Variants in DLG2 observed in about 807,000 individuals in gnomAD.
The protein encoded by DLG2 is discs large MAGUK scaffold protein 2.
A neutral mutation model predicts 132.5 loss-of-function variants in DLG2; 45 were observed. The ratio of observed to expected loss-of-function variants is 0.34; its 90% CI spans 0.27 to 0.44. DLG2 has a LOEUF of 0.44. DLG2 is among the 20% of genes least tolerant of loss of function. DLG2 has a pLI of 1.00. For missense variants in DLG2, 1,045 were observed against 1,196.9 expected (o/e 0.87, Z 1.87); for synonymous variants, 424 against 419.6 (o/e 1.01, Z -0.13).
intron 22 of DLG2, among the ~76,000 whole-genome samples, chr11:83,476,984 C>T (rs2092673031): frequency 6.6e-6 from 1 of 152,078 alleles, no homozygotes; most frequent in Non-Finnish European, 1.5e-5. Flanking sequence ...TTTTGACTGA[C>T]TCCAGTGGAG....
At chr11:83,997,329 A>G (rs774426909) in intron 11 of DLG2, among the ~76,000 whole-genome samples, 27 of 152,120 alleles carry the variant, frequency 1.8e-4, no homozygotes, top group Non-Finnish European at 4.0e-4. Flanking sequence ...CCTGTCAAGA[A>G]AATCATTCTA....
intron 6 of DLG2, among the ~76,000 whole-genome samples, chr11:84,811,058 G>A (rs894872097): frequency 3.3e-5 from 5 of 152,070 alleles, no homozygotes; most frequent in South Asian, 4.1e-4. Context: ...TTACCATTGG[G>A]GGAAACAGGG....
intron 10 of DLG2, among the ~76,000 whole-genome samples, chr11:84,096,563 G>T (rs2097168380): frequency 6.6e-6 from 1 of 152,018 alleles, no homozygotes; most frequent in Non-Finnish European, 1.5e-5. Context: ...TTGGTTAAAG[G>T]GTGGAGGTTC....
chr11:85,606,050 C>T (rs540620585), intron 2 of DLG2, among the ~76,000 whole-genome samples: 10 of 151,780 alleles, frequency 6.6e-5, no homozygotes, highest in Admixed American at 2.0e-4. Flanking sequence ...TGATGGCATA[C>T]GTACAATGTT....
chr11:83,896,779 T>C (rs2071834979), intron 15 of DLG2, among the ~76,000 whole-genome samples: 1 of 152,202 alleles, frequency 6.6e-6, no homozygotes, highest in Non-Finnish European at 1.5e-5. Context: ...GATGTAACAC[T>C]GGGTAAAGTT....
chr11:84,758,783 T>C (rs2067218282), intron 6 of DLG2, among the ~76,000 whole-genome samples: 1 of 152,182 alleles, frequency 6.6e-6, no homozygotes, highest in Non-Finnish European at 1.5e-5. Flanking sequence ...TTATTCTTTA[T>C]ATAGAAGGTA....
At chr11:84,707,197 T>C (rs1442644280) in intron 6 of DLG2, among the ~76,000 whole-genome samples, 1 of 151,804 alleles carries the variant, frequency 6.6e-6, no homozygotes, top group African/African-American at 2.4e-5. Context: ...ACTAGTAGAA[T>C]GCTGATTAAT....
chr11:84,506,232 C>T (rs1217676899), intron 7 of DLG2, among the ~76,000 whole-genome samples: 2 of 151,342 alleles, frequency 1.3e-5, no homozygotes, highest in African/African-American at 2.4e-5. Flanking sequence ...CCCGCCACTG[C>T]GCCCGGCTAA....
intron 12 of DLG2, among the ~76,000 whole-genome samples, chr11:83,979,210 C>T (rs2092560807): frequency 6.6e-6 from 1 of 152,078 alleles, no homozygotes; most frequent in African/African-American, 2.4e-5. Flanking sequence ...CTCTCTAAAG[C>T]TGAGGGAAGT....
At chr11:84,116,366 T>A (rs1410312278) in intron 9 of DLG2, among the ~76,000 whole-genome samples, 1 of 152,214 alleles carries the variant, frequency 6.6e-6, no homozygotes, top group East Asian at 1.9e-4. Flanking sequence ...TAGTCCATTC[T>A]CAAGTGGCTA....
chr11:83,818,604 T>A (rs886065514), intron 17 of DLG2, among the ~76,000 whole-genome samples: 4 of 152,116 alleles, frequency 2.6e-5, no homozygotes, highest in African/African-American at 9.7e-5. Flanking sequence ...TAGACAGGGA[T>A]GAGAGGATAC....
intron 16 of DLG2, among the ~76,000 whole-genome samples, chr11:83,848,345 G>C (rs1220607288): frequency 1.3e-5 from 2 of 152,008 alleles, no homozygotes; most frequent in African/African-American, 2.4e-5. Context: ...TTAATAAATA[G>C]GTGGTCTTAT....
rs182042330 is a variant in DLG2 at position 83,505,317 on chromosome 11, C to T, written c.2194-21089G>A. On this transcript the variant is annotated intron_variant, in intron 21 of 27. Coordinates refer to ENST00000376104, the MANE Select transcript of DLG2 (RefSeq NM_001142699.3). Reference sequence around the variant, plus strand: ...TGGGGCACTCAGCAGTGGCTGTAGCCAGGTCATCCCTGGTGAGTGGAAGCC... The same window carrying T: ...TGGGGCACTCAGCAGTGGCTGTAGCTAGGTCATCCCTGGTGAGTGGAAGCC... Among the ~76,000 whole-genome samples the T allele has an allele frequency of 6.7e-4, 102 of 152,302 alleles. 2 individuals carry two copies. Among genetic ancestry groups the T allele is most frequent in the African/African-American group, 2.4e-3 (101 of 41,570 alleles).
intron 4 of DLG2, among the ~76,000 whole-genome samples, chr11:85,173,708 C>T (rs1049624940): frequency 1.1e-4 from 17 of 152,056 alleles, no homozygotes; most frequent in African/African-American, 3.1e-4. Flanking sequence ...GACCCATTGG[C>T]GTGCTGTCTT....
chr11:83,564,852 C>CT (rs11385078), intron 19 of DLG2, among the ~76,000 whole-genome samples: 64,296 of 151,446 alleles, frequency 0.42, 14,113 homozygotes, highest in Admixed American at 0.51. Flanking sequence ...AGAAGAATTT[C>CT]TTTTTTTTTC....
chr11:84,755,489 C>T (rs568008542), intron 6 of DLG2, among the ~76,000 whole-genome samples: 4 of 152,278 alleles, frequency 2.6e-5, no homozygotes, highest in South Asian at 2.1e-4. Context: ...AGTGGCACAA[C>T]CTCGGCTCAC....
intron 6 of DLG2, among the ~76,000 whole-genome samples, chr11:85,035,007 C>T (rs1021692521): frequency 6.6e-6 from 1 of 152,150 alleles, no homozygotes; most frequent in Non-Finnish European, 1.5e-5. Context: ...AGAAGGCACT[C>T]TTTTGATATG....
At chr11:84,371,561 T>C (rs184907116) in intron 7 of DLG2, among the ~76,000 whole-genome samples, 19 of 152,302 alleles carry the variant, frequency 1.2e-4, no homozygotes, top group African/African-American at 4.3e-4. Context: ...AAATCTTTTC[T>C]ACCAGCACAG....
At chr11:83,699,763 AAT>A (rs2082570523) in intron 18 of DLG2, among the ~76,000 whole-genome samples, 1 of 150,776 alleles carries the variant, frequency 6.6e-6, no homozygotes, top group African/African-American at 2.4e-5. Context: ...AATAATACAG[AAT>A]AGTGTTTATA....
Sources: gnomAD v4.1 joint callset for allele counts (sites outside exome capture counted in the v4.1 genomes callset) on GRCh38, gnomAD v4.1.1 for gene constraint, MANE v1.5 for transcripts, NCBI Gene and HGNC (gene_info 2026-07-23, HGNC 2026-07-21) for gene names.